FGF13: variants seen among roughly 807,000 people sequenced by gnomAD.
FGF13 encodes the protein fibroblast growth factor 13.
FGF13 carries 2 observed loss-of-function variants against 19.5 expected under a neutral mutation model. The observed-to-expected ratio is 0.10, with a 90% confidence interval of 0.04 to 0.32. The LOEUF is 0.32. Ranked by LOEUF, FGF13 falls within the 10% of genes least tolerant of loss-of-function variation. The probability of loss-of-function intolerance (pLI) is 1.00; values close to 1 mark genes in which losing one functional copy is unlikely to be tolerated. For synonymous variants in FGF13, 72 were observed against 76.9 expected, an observed-to-expected ratio of 0.94 and a Z score of 0.33; for missense variants, 113 against 192.7, an observed-to-expected ratio of 0.59 and a Z score of 2.45.
At chrX:138,993,075 T>C (rs904315916) in intron 1 of FGF13, among the ~76,000 whole-genome samples, 14 of 111,687 alleles carry the variant, frequency 1.3e-4, no homozygotes, top group African/African-American at 3.9e-4. Context: ...AAAACTCACA[T>C]TGAGAAACAT....
In FGF13 at chrX:138,702,988, G is replaced by A; in HGVS notation, c.398C>T (p.Thr133Ile). ...TGCACACAGTCAAAAGCTTACCGAG[G>A]TGTACAAGTATCCCTCACTGTTCAT... ...LAMNSEGYLY[T>I]SELFTPECKF... Residue 133 changes from threonine to isoleucine, a missense_variant, in exon 3 of 5, where the codon ACC (threonine) becomes ATC (isoleucine). This residue lies in a region of FGF13 where 51 missense variants were observed against 78.5 expected (regional missense o/e 0.65). Coordinates refer to ENST00000315930, the MANE Select transcript of FGF13 (RefSeq NM_004114.5). 2.5e-6 allele frequency: 3 copies of A among 1,192,066 alleles called. No individual in the cohort carries two copies. The highest frequency in any genetic ancestry group is 3.4e-6 in the Non-Finnish European group (3 of 877,524).
At chrX:138,829,017 G>A (rs1379264824) in intron 3 of FGF13, among the ~76,000 whole-genome samples, 1 of 111,684 alleles carries the variant, frequency 9.0e-6, no homozygotes, top group Non-Finnish European at 1.9e-5. Flanking sequence ...TTAAGAGGTG[G>A]AAACTTTAAG....
downstream of FGF13, among the ~76,000 whole-genome samples, chrX:138,857,009 G>T (rs758018610): frequency 8.9e-6 from 1 of 111,954 alleles, no homozygotes; most frequent in African/African-American, 3.3e-5. Flanking sequence ...GCAACGGGGC[G>T]TGCATTATAC....
chrX:138,874,914 C>G (rs1438393127), intron 1 of FGF13, among the ~76,000 whole-genome samples: 1 of 111,855 alleles, frequency 8.9e-6, no homozygotes, highest in African/African-American at 3.2e-5. Flanking sequence ...TCTCTCTGTA[C>G]TTAGCTTCAT....
At position 138,737,363 on chromosome X, in the gene FGF13, C is replaced by T. The variant is rs137901216; in HGVS notation, c.28+1879G>A. 9.0e-4 allele frequency among the ~76,000 whole-genome samples: 101 copies of T among 111,855 alleles called. 1 individual carries two copies. The East Asian group carries it at 0.024, about 26-fold the overall frequency. On this transcript the variant is annotated intron_variant, in intron 1 of 4. Transcript: ENST00000305414. Reference sequence around the variant, plus strand: ...CTTTCTCCTGATTTCATTTGCATTGCATTGTTCTACCATGAACTCAGAGCC... The same window carrying T: ...CTTTCTCCTGATTTCATTTGCATTGTATTGTTCTACCATGAACTCAGAGCC...
At chrX:139,153,731 A>G (rs1277212641) in intron 1 of FGF13, among the ~76,000 whole-genome samples, 1 of 112,080 alleles carries the variant, frequency 8.9e-6, no homozygotes, top group Non-Finnish European at 1.9e-5. Flanking sequence ...TAAAGTCTCT[A>G]CAGATATAAT....
intron 1 of FGF13, among the ~76,000 whole-genome samples, chrX:138,908,071 C>CTT (rs757824173): frequency 3.7e-4 from 22 of 58,968 alleles, no homozygotes; most frequent in East Asian, 1.5e-3. Flanking sequence ...TAATCATTTT[C>CTT]TTTTTTTTTT....
intron 3 of FGF13, among the ~76,000 whole-genome samples, chrX:138,637,342 G>GA (rs1336508714): frequency 8.9e-6 from 1 of 112,538 alleles, no homozygotes; most frequent in Non-Finnish European, 1.9e-5. Flanking sequence ...GAACGTTGCT[G>GA]AAATTCTTTG....
intron 1 of FGF13, among the ~76,000 whole-genome samples, chrX:138,921,063 A>C (rs1426164709): frequency 1.8e-5 from 2 of 111,739 alleles, no homozygotes; most frequent in Admixed American, 9.5e-5. Context: ...AACCTACTTC[A>C]GAGGGCCATT....
intron 3 of FGF13, among the ~76,000 whole-genome samples, chrX:138,822,271 T>G (rs1254057390): frequency 1.8e-5 from 2 of 112,023 alleles, no homozygotes; most frequent in Non-Finnish European, 3.8e-5. Flanking sequence ...TGCTACGGAT[T>G]GTCAACAACT....
At chrX:139,050,855 T>TA (rs991249400) in intron 1 of FGF13, among the ~76,000 whole-genome samples, 3 of 112,114 alleles carry the variant, frequency 2.7e-5, no homozygotes, top group South Asian at 3.7e-4. Flanking sequence ...TATATGTGTA[T>TA]AAAAAATTGA....
intron 1 of FGF13, among the ~76,000 whole-genome samples, chrX:139,167,257 T>C (rs549547587): frequency 1.8e-5 from 2 of 112,157 alleles, no homozygotes; most frequent in African/African-American, 6.5e-5. Flanking sequence ...AACTTGTATA[T>C]ACCCTGTACT....
intron 1 of FGF13, among the ~76,000 whole-genome samples, chrX:139,124,104 T>A: frequency 8.9e-6 from 1 of 112,428 alleles, no homozygotes; most frequent in Middle Eastern, 4.7e-3. Context: ...GCTGCTTCAA[T>A]TTCTTCAGGA....
chrX:138,748,262 T>G (rs2090370919), intron 3 of FGF13, among the ~76,000 whole-genome samples: 1 of 111,714 alleles, frequency 9.0e-6, no homozygotes, highest in African/African-American at 3.3e-5. Flanking sequence ...ATGCATATAC[T>G]AAAGCTCTAA....
At chrX:138,721,835 C>CAT (rs1028392703) in intron 1 of FGF13, among the ~76,000 whole-genome samples, 6 of 109,659 alleles carry the variant, frequency 5.5e-5, no homozygotes, top group Non-Finnish European at 1.1e-4. Context: ...ATATTAAATA[C>CAT]ATATATATAT....
chrX:139,042,424 T>C (rs1411973579), intron 1 of FGF13, among the ~76,000 whole-genome samples: 2 of 111,952 alleles, frequency 1.8e-5, no homozygotes, highest in African/African-American at 3.3e-5. Flanking sequence ...GGTGGAGATA[T>C]AATCAGCTCA....
downstream of FGF13, among the ~76,000 whole-genome samples, chrX:138,856,625 A>C (rs2091259443): frequency 8.9e-6 from 1 of 112,216 alleles, no homozygotes; most frequent in African/African-American, 3.2e-5. Flanking sequence ...TTCATTGGTA[A>C]ACTGCCTCAG....
chrX:139,092,378 ATGATCTCATCAACACATTCCTAC>A (rs2083444603), intron 1 of FGF13, among the ~76,000 whole-genome samples: 1 of 112,699 alleles, frequency 8.9e-6, no homozygotes, highest in Admixed American at 9.4e-5. Context: ...CTTAAATTTT[ATGATCTCATCAACACATTCCTAC>A]TGATTGCTTT....
In FGF13 at chrX:139,015,422, A is replaced by G. The variant is rs777765987; in HGVS notation, c.-112-150772T>C. Among the ~76,000 whole-genome samples the G allele has an allele frequency of 1.1e-4, 12 of 111,591 alleles. No homozygotes were observed. The South Asian group carries it at 4.5e-3, about 42-fold the overall frequency. On this transcript the variant is annotated intron_variant, in intron 1 of 2. Transcript: ENST00000421460. Reference sequence around the variant, plus strand: ...AAAATCAGTAGCATTTCTATATGCCAACAGCAAACAATCAGAAAAAAAATT... The same window carrying G: ...AAAATCAGTAGCATTTCTATATGCCGACAGCAAACAATCAGAAAAAAAATT...
Sources: gnomAD v4.1 joint callset for allele counts (sites outside exome capture counted in the v4.1 genomes callset) on GRCh38, gnomAD v4.1.1 for gene constraint, gnomAD v4.1.1 regional missense constraint, MANE v1.5 for transcripts, NCBI Gene and HGNC (gene_info 2026-07-23, HGNC 2026-07-21) for gene names.